Variants in OR51B5 observed in about 807,000 individuals in gnomAD.
The protein encoded by OR51B5 is olfactory receptor family 51 subfamily B member 5, also known as olfactory receptor 51B5.
For synonymous variants in OR51B5, 186 were observed against 144.8 expected (o/e 1.28, Z -2.04); for missense variants, 456 against 374.6 (o/e 1.22, Z -1.79).
At chr11:5,442,572 C>G (rs1850706523) in intron 1 of OR51B5, among the ~76,000 whole-genome samples, 1 of 152,152 alleles carries the variant, frequency 6.6e-6, no homozygotes, top group South Asian at 2.1e-4. Flanking sequence ...ACTCTATGAC[C>G]CTTTCCCAAT....
At chr11:5,490,427 C>T (rs1851564500) in intron 1 of OR51B5, among the ~76,000 whole-genome samples, 1 of 152,128 alleles carries the variant, frequency 6.6e-6, no homozygotes, top group Admixed American at 6.6e-5. Context: ...GTACTTAATA[C>T]AACTGTATAT....
intron 1 of OR51B5, among the ~76,000 whole-genome samples, chr11:5,475,997 A>G (rs1165699386): frequency 2.0e-5 from 3 of 152,192 alleles, no homozygotes; most frequent in Non-Finnish European, 1.5e-5. Flanking sequence ...ATGAAACTGA[A>G]TTCCAGTCCA....
At chr11:5,398,647 G>C (rs962210321) in intron 1 of OR51B5, among the ~76,000 whole-genome samples, 7 of 152,282 alleles carry the variant, frequency 4.6e-5, no homozygotes, top group Non-Finnish European at 8.8e-5. Context: ...TATGTCGGGG[G>C]AGGGACCAGG....
chr11:5,431,115 G>T (rs770951978), intron 1 of OR51B5: 7 of 416,440 alleles, frequency 1.7e-5, no homozygotes, highest in Non-Finnish European at 2.4e-5. Flanking sequence ...GCCTCAAAAG[G>T]ATTGGAAGTG....
chr11:5,435,620 C>G (rs1056764719), intron 1 of OR51B5, among the ~76,000 whole-genome samples: 3 of 62,574 alleles, frequency 4.8e-5, no homozygotes, highest in Non-Finnish European at 9.5e-5. Context: ...TCTGAGGTTT[C>G]CATGGTGATA....
intron 1 of OR51B5, among the ~76,000 whole-genome samples, chr11:5,421,755 A>C (rs10768949): frequency 6.6e-6 from 1 of 152,026 alleles, no homozygotes; most frequent in Non-Finnish European, 1.5e-5. Context: ...ACAAAAGTCA[A>C]AGGAGATATT....
At chr11:5,352,010 G>T in intron 1 of OR51B5, 1 of 1,613,624 alleles carries the variant, frequency 6.2e-7, no homozygotes, top group Non-Finnish European at 8.5e-7. Context: ...CCCTACTGTC[G>T]ATCCCATGTA....
intron 1 of OR51B5, among the ~76,000 whole-genome samples, chr11:5,412,066 C>A (rs1320251178): frequency 6.6e-6 from 1 of 152,188 alleles, no homozygotes; most frequent in Non-Finnish European, 1.5e-5. Flanking sequence ...GTAATTTGCT[C>A]TGGTCACCAC....
At chr11:5,356,196 C>A (rs1342537807) in intron 1 of OR51B5, among the ~76,000 whole-genome samples, 1 of 152,066 alleles carries the variant, frequency 6.6e-6, no homozygotes, top group African/African-American at 2.4e-5. Flanking sequence ...GGAGGAAGCT[C>A]GAACCCATGG....
At chr11:5,447,798 G>A (rs1850789870) in intron 1 of OR51B5, among the ~76,000 whole-genome samples, 1 of 152,116 alleles carries the variant, frequency 6.6e-6, no homozygotes, top group Non-Finnish European at 1.5e-5. Context: ...CAATTCCAGT[G>A]GCCTTGGTTG....
At chr11:5,502,705 T>C (rs1477649761) in intron 1 of OR51B5, among the ~76,000 whole-genome samples, 1 of 152,220 alleles carries the variant, frequency 6.6e-6, no homozygotes, top group Non-Finnish European at 1.5e-5. Context: ...TACCTTCTTA[T>C]GCCTTAGTTT....
intron 1 of OR51B5, chr11:5,454,504 G>A (rs1850923018): frequency 8.4e-7 from 1 of 1,185,960 alleles, no homozygotes; most frequent in Non-Finnish European, 1.2e-6. Flanking sequence ...CATCATCAAA[G>A]TATAAGATAG....
At chr11:5,487,005 T>C (rs954315971) in intron 1 of OR51B5, among the ~76,000 whole-genome samples, 2 of 152,166 alleles carry the variant, frequency 1.3e-5, no homozygotes, top group African/African-American at 4.8e-5. Context: ...TAGGAATTGA[T>C]ATTAGACAAA....
chr11:5,414,311 C>T lies in OR51B5; in HGVS notation n.85-67401G>A, dbSNP rs61894082. Among the ~76,000 whole-genome samples the T allele has an allele frequency of 0.039, 5,801 of 146,870 alleles. 490 individuals are homozygous for T. The East Asian group carries it at 0.4, about 10-fold the overall frequency. ...TAAACATGGAAAGGAACAACCGGTA[C>T]CAGCCACTGCAAAATCATGCCAAAA... is the stretch of plus-strand genomic sequence containing the variant. On this transcript the variant is annotated intron_variant and non_coding_transcript_variant, in intron 1 of 4. Transcript: ENST00000415970.
chr11:5,458,555 T>C (rs1850998059), intron 1 of OR51B5, among the ~76,000 whole-genome samples: 1 of 152,184 alleles, frequency 6.6e-6, no homozygotes. Context: ...GCAGTGTGGT[T>C]ATTTTAACAA....
intron 1 of OR51B5, among the ~76,000 whole-genome samples, chr11:5,401,041 C>A (rs2647587): frequency 1.3e-5 from 2 of 152,024 alleles, no homozygotes; most frequent in African/African-American, 4.8e-5. Flanking sequence ...TTCAGAGGTC[C>A]TTCCTACCAT....
chr11:5,413,964 T>G (rs1373267375), intron 1 of OR51B5, among the ~76,000 whole-genome samples: 1 of 145,836 alleles, frequency 6.9e-6, no homozygotes, highest in Non-Finnish European at 1.5e-5. Context: ...GAAGAGCAAC[T>G]CCAAGACACA....
chr11:5,492,855 G>A (rs777745691), intron 1 of OR51B5, among the ~76,000 whole-genome samples: 12 of 151,990 alleles, frequency 7.9e-5, no homozygotes, highest in South Asian at 2.1e-4. Context: ...GGCTGATCTC[G>A]AACTCCTGAC....
chr11:5,435,663 C>G (rs1850582530), intron 1 of OR51B5, among the ~76,000 whole-genome samples: 1 of 152,230 alleles, frequency 6.6e-6, no homozygotes, highest in South Asian at 2.1e-4. Context: ...CTTAACCTGT[C>G]CTAAATCCCT....
Sources: allele counts gnomAD v4.1 joint callset (sites outside exome capture counted in the v4.1 genomes callset), GRCh38; gene constraint gnomAD v4.1.1; transcripts MANE v1.5; gene names NCBI Gene and HGNC (gene_info 2026-07-23, HGNC 2026-07-21).